Variants in PPP2R2B observed in about 807,000 individuals in gnomAD.
PPP2R2B encodes protein phosphatase 2 regulatory subunit Bbeta.
Under a neutral mutation model 46.0 loss-of-function variants are expected in PPP2R2B, and 5 were observed. The observed-to-expected ratio is 0.11, with a 90% CI of 0.06 to 0.23. The LOEUF (loss-of-function observed/expected upper bound fraction) is 0.23. Among genes scored for constraint, PPP2R2B ranks in the 10% least tolerant of loss-of-function variants. The pLI is 1.00. For synonymous variants in PPP2R2B, 215 were observed against 206.7 expected, an observed-to-expected ratio of 1.04 and a Z score of -0.34; for missense variants, 367 against 575.0, an observed-to-expected ratio of 0.64 and a Z score of 3.70.
intron 2 of PPP2R2B, among the ~76,000 whole-genome samples, chr5:146,808,438 C>A (rs149352767): frequency 1.8e-4 from 28 of 152,300 alleles, no homozygotes; most frequent in African/African-American, 6.7e-4. Context: ...TGTTTCACTG[C>A]TTCTCAGTAT....
At position 146,638,330 on chromosome 5, in the gene PPP2R2B, G is replaced by A. The variant is rs1165361831; in HGVS notation, c.711C>T (p.Thr237=). 5 of 1,613,878 alleles carry A rather than the reference G, an allele frequency of 3.1e-6. No individual in the cohort carries two copies. Among genetic ancestry groups the A allele is most frequent in the Non-Finnish European group, 4.2e-6 (5 of 1,179,784 alleles). Residue 237 remains threonine, a synonymous_variant, in exon 7 of 10, where the codon ACC becomes ACT. Coordinates refer to ENST00000394411, the MANE Select transcript of PPP2R2B (RefSeq NM_181675.4). ...AAEFHPHHCN[T]FVYSSSKGTI... ...TCCCTTTGCTGCTGCTGTACACGAA[G>A]GTGTTGCAATGATGGGGGTGGAACT...
At chr5:146,943,662 A>C (rs563380728) in intron 1 of PPP2R2B, among the ~76,000 whole-genome samples, 1 of 152,168 alleles carries the variant, frequency 6.6e-6, no homozygotes, top group Admixed American at 6.5e-5. Context: ...CCCCTGGTTT[A>C]GAGAGGCACT....
intron 1 of PPP2R2B, among the ~76,000 whole-genome samples, chr5:147,021,321 A>T (rs905981120): frequency 6.6e-6 from 1 of 152,198 alleles, no homozygotes; most frequent in East Asian, 1.9e-4. Context: ...GGAGACAGAG[A>T]TGATTTCAGG....
intron 1 of PPP2R2B, among the ~76,000 whole-genome samples, chr5:146,983,889 A>G (rs1582546524): frequency 6.6e-6 from 1 of 151,922 alleles, no homozygotes; most frequent in East Asian, 1.9e-4. Context: ...CTGATAACAA[A>G]TTGTCTTCTT....
chr5:147,040,130 C>T (rs895408301), intron 1 of PPP2R2B, among the ~76,000 whole-genome samples: 2 of 152,082 alleles, frequency 1.3e-5, no homozygotes, highest in African/African-American at 4.8e-5. Flanking sequence ...TCAGGTCTTG[C>T]TGGGCAAGTG....
chr5:146,951,002 A>T (rs954290678), intron 1 of PPP2R2B, among the ~76,000 whole-genome samples: 5 of 151,976 alleles, frequency 3.3e-5, no homozygotes, highest in Admixed American at 2.6e-4. Flanking sequence ...TCAGGTAGAG[A>T]TAAGGTCAAG....
At chr5:147,010,388 C>A (rs1254001934) in intron 1 of PPP2R2B, among the ~76,000 whole-genome samples, 1 of 152,104 alleles carries the variant, frequency 6.6e-6, no homozygotes, top group Non-Finnish European at 1.5e-5. Context: ...TGTATTGTAA[C>A]ATGTAGTGAA....
chr5:147,040,788 C>T (rs1182276420), intron 1 of PPP2R2B: 3 of 427,174 alleles, frequency 7.0e-6, no homozygotes, highest in Middle Eastern at 3.5e-4. Context: ...GGGCCAATTT[C>T]AAGAAAAGAT....
chr5:146,810,342 G>A (rs1015198266), intron 2 of PPP2R2B, among the ~76,000 whole-genome samples: 26 of 152,158 alleles, frequency 1.7e-4, no homozygotes, highest in Admixed American at 7.9e-4. Flanking sequence ...AGAGCCGAGT[G>A]AAAGGAGTTT....
At chr5:146,699,301 C>T (rs1779398725) in intron 3 of PPP2R2B, among the ~76,000 whole-genome samples, 3 of 152,110 alleles carry the variant, frequency 2.0e-5, no homozygotes, top group Admixed American at 2.0e-4. Flanking sequence ...TCCTGGAGCT[C>T]ACTCACTGAA....
intron 1 of PPP2R2B, chr5:146,914,227 C>T (rs931381534): frequency 2.6e-5 from 4 of 152,008 alleles, no homozygotes; most frequent in Non-Finnish European, 5.9e-5. Flanking sequence ...AGATTTATTG[C>T]CATACATTTT....
chr5:146,719,694 T>C (rs1409653446), intron 2 of PPP2R2B, among the ~76,000 whole-genome samples: 3 of 152,162 alleles, frequency 2.0e-5, no homozygotes, highest in African/African-American at 7.2e-5. Context: ...AGGATACCAG[T>C]TGGAGTGGAT....
At chr5:146,904,116 ACT>A (rs1337429540) in intron 1 of PPP2R2B, among the ~76,000 whole-genome samples, 2 of 151,762 alleles carry the variant, frequency 1.3e-5, no homozygotes, top group African/African-American at 4.8e-5. Context: ...TGCAGACATC[ACT>A]CTCTCTCTCA....
At chr5:147,041,240 G>A (rs937127481) in intron 1 of PPP2R2B, among the ~76,000 whole-genome samples, 4 of 152,106 alleles carry the variant, frequency 2.6e-5, no homozygotes, top group Non-Finnish European at 5.9e-5. Flanking sequence ...TGTCTGACTC[G>A]ATGAGGACTG....
intron 7 of PPP2R2B, among the ~76,000 whole-genome samples, chr5:146,607,452 G>T (rs1220759807): frequency 5.9e-5 from 9 of 152,280 alleles, no homozygotes; most frequent in African/African-American, 1.7e-4. Context: ...TTTTCATATA[G>T]CCCTCCATTA....
intron 4 of PPP2R2B, among the ~76,000 whole-genome samples, chr5:146,692,992 C>T (rs1778959649): frequency 6.6e-6 from 1 of 152,140 alleles, no homozygotes; most frequent in Admixed American, 6.5e-5. Context: ...TTGTATCTTC[C>T]TCTGTCTTGC....
At chr5:146,691,430 A>G (rs1231955909) in intron 4 of PPP2R2B, among the ~76,000 whole-genome samples, 190 bp from the exon 5 acceptor site, 2 of 152,174 alleles carry the variant, frequency 1.3e-5, no homozygotes, top group African/African-American at 4.8e-5. Context: ...CAAAACAAAA[A>G]CATACATTAT....
chr5:146,806,949 C>A (rs1757215848), intron 2 of PPP2R2B, among the ~76,000 whole-genome samples: 1 of 152,182 alleles, frequency 6.6e-6, no homozygotes, highest in South Asian at 2.1e-4. Flanking sequence ...CTTAGGTCTA[C>A]CCCTGTGGGT....
chr5:147,075,492 T>G (rs1370280434), intron 2 of PPP2R2B, among the ~76,000 whole-genome samples: 1 of 152,170 alleles, frequency 6.6e-6, no homozygotes, highest in Non-Finnish European at 1.5e-5. Context: ...TCTCTATCTC[T>G]GAGATTGTCT....
Sources: allele counts gnomAD v4.1 joint callset (sites outside exome capture counted in the v4.1 genomes callset), GRCh38; gene constraint gnomAD v4.1.1; transcripts MANE v1.5; gene names NCBI Gene and HGNC (gene_info 2026-07-23, HGNC 2026-07-21).